TENM3: variants seen among roughly 807,000 people sequenced by gnomAD.
TENM3 encodes teneurin transmembrane protein 3.
In TENM3, 63 loss-of-function variants were observed where a neutral mutation model predicts 255.1. The observed-to-expected ratio is 0.25, with a 90% confidence interval of 0.20 to 0.30. TENM3 has a LOEUF of 0.30. Ranked by LOEUF, TENM3 falls within the 10% of genes least tolerant of loss-of-function variation. TENM3 has a pLI of 1.00. For missense variants in TENM3, 2,929 were observed against 3,461.1 expected, an observed-to-expected ratio of 0.85 and a Z score of 3.86; for synonymous variants, 1,306 against 1,322.3, an observed-to-expected ratio of 0.99 and a Z score of 0.27.
the TENM3 span, among the ~76,000 whole-genome samples, chr4:181,477,705 GCAA>G: frequency 2.0e-5 from 3 of 152,136 alleles, no homozygotes; most frequent in Admixed American, 6.6e-5. Flanking sequence ...ATTGCTGCCA[GCAA>G]CAACAACGAA....
At chr4:182,538,050 G>T (rs969752456) in intron 3 of TENM3, among the ~76,000 whole-genome samples, 1 of 152,188 alleles carries the variant, frequency 6.6e-6, no homozygotes, top group Non-Finnish European at 1.5e-5. Flanking sequence ...AATGCTCATA[G>T]TGCTTGGCAA....
the TENM3 span, among the ~76,000 whole-genome samples, chr4:181,453,609 G>A: frequency 6.6e-6 from 1 of 152,052 alleles, no homozygotes. Context: ...GACTCAAAGC[G>A]TAGTTCCCCC....
chr4:182,795,235 C>G (rs920784401), intron 26 of TENM3, among the ~76,000 whole-genome samples: 24 of 152,110 alleles, frequency 1.6e-4, no homozygotes, highest in African/African-American at 5.8e-4. Context: ...CAGGGTTTTT[C>G]AATACACATC....
At chr4:181,448,323 C>T in the TENM3 span, among the ~76,000 whole-genome samples, 33 of 145,906 alleles carry the variant, frequency 2.3e-4, 2 homozygotes, top group Admixed American at 4.3e-4. Flanking sequence ...AGGCGCCCAC[C>T]ACTACGCCCG....
chr4:181,838,734 T>A, the TENM3 span, among the ~76,000 whole-genome samples: 1 of 152,128 alleles, frequency 6.6e-6, no homozygotes, highest in Non-Finnish European at 1.5e-5. Flanking sequence ...TTCTTATTTT[T>A]AAAATTTTAA....
chr4:182,265,345 A>T (rs1452388497), intron 1 of TENM3, among the ~76,000 whole-genome samples: 2 of 152,130 alleles, frequency 1.3e-5, no homozygotes, highest in African/African-American at 4.8e-5. Flanking sequence ...TACCTGGAAG[A>T]TAAGGAACCA....
intron 1 of TENM3, among the ~76,000 whole-genome samples, chr4:182,206,635 G>A (rs1242057343): frequency 6.6e-6 from 1 of 152,178 alleles, no homozygotes; most frequent in Non-Finnish European, 1.5e-5. Flanking sequence ...AACCTTTCGT[G>A]TTTTGTGCTT....
chr4:182,635,474 C>G (rs1751764853), intron 5 of TENM3, among the ~76,000 whole-genome samples: 1 of 152,164 alleles, frequency 6.6e-6, no homozygotes, highest in African/African-American at 2.4e-5. Context: ...TTTATCCCCA[C>G]AAAAATGTTT....
intron 7 of TENM3, among the ~76,000 whole-genome samples, chr4:182,673,983 A>G (rs1335494214): frequency 6.6e-6 from 1 of 152,194 alleles, no homozygotes; most frequent in African/African-American, 2.4e-5. Flanking sequence ...AGGTTTCATC[A>G]TCTCTAAGAG....
At chr4:182,036,522 G>A in the TENM3 span, among the ~76,000 whole-genome samples, 2 of 152,126 alleles carry the variant, frequency 1.3e-5, no homozygotes, top group Non-Finnish European at 2.9e-5. Context: ...CTACATGAGG[G>A]CAAAGGCTGT....
chr4:182,429,609 TAAC>T (rs1771478248), intron 3 of TENM3, among the ~76,000 whole-genome samples: 8 of 152,232 alleles, frequency 5.3e-5, no homozygotes, highest in Admixed American at 5.2e-4. Flanking sequence ...TGTTTTGCCA[TAAC>T]AACTTAAATG....
the TENM3 span, among the ~76,000 whole-genome samples, chr4:182,002,852 A>G: frequency 6.6e-6 from 1 of 152,104 alleles, no homozygotes; most frequent in African/African-American, 2.4e-5. Context: ...TTTTCCCTTA[A>G]GCAACCAACA....
At chr4:182,692,503 A>G (rs997569340) in intron 12 of TENM3, among the ~76,000 whole-genome samples, 1 of 152,222 alleles carries the variant, frequency 6.6e-6, no homozygotes, top group African/African-American at 2.4e-5. Flanking sequence ...TGATTGAATA[A>G]CATATTTGAT....
chr4:181,526,721 G>A, the TENM3 span, among the ~76,000 whole-genome samples: 1 of 152,058 alleles, frequency 6.6e-6, no homozygotes, highest in Non-Finnish European at 1.5e-5. Context: ...TATAACTATA[G>A]GATTGGTTAA....
chr4:181,804,075 GAAA>G, the TENM3 span, among the ~76,000 whole-genome samples: 1 of 87,754 alleles, frequency 1.1e-5, no homozygotes, highest in African/African-American at 4.0e-5. Context: ...AGAAAGGAAA[GAAA>G]GAAAGAAAGG....
rs1217093127 is a variant in TENM3 at position 182,272,890 on chromosome 4, G to A, written c.-76+29414G>A. On this transcript the variant is annotated intron_variant, in intron 1 of 27. Transcript: ENST00000511685. ...TGAGATGGTTTCCTTCAGGTGCAGG[G>A]GTTGGGAGCATCAGAGACTCGTAGG... 2.0e-5 allele frequency among the ~76,000 whole-genome samples: 3 copies of A among 152,148 alleles called. No individual in the cohort carries two copies. In the East Asian group the frequency reaches 5.8e-4, roughly 29 times the overall value.
upstream of TENM3, among the ~76,000 whole-genome samples, chr4:182,239,982 A>C (rs1757139298): frequency 6.6e-6 from 1 of 152,126 alleles, no homozygotes; most frequent in South Asian, 2.1e-4. Context: ...ACAAAACAAC[A>C]TTAATTAAAA....
chr4:182,275,098 T>A (rs1461226475), intron 1 of TENM3, among the ~76,000 whole-genome samples: 2 of 152,308 alleles, frequency 1.3e-5, no homozygotes, highest in East Asian at 3.9e-4. Context: ...GTGCTGGGAT[T>A]ATAGGCTTGA....
At chr4:182,154,114 T>G (rs2149591173) in intron 1 of TENM3, among the ~76,000 whole-genome samples, 1 of 152,226 alleles carries the variant, frequency 6.6e-6, no homozygotes, top group African/African-American at 2.4e-5. Context: ...AGATATAAAT[T>G]ATTAATGCAC....
Sources: gnomAD v4.1 joint callset for allele counts (sites outside exome capture counted in the v4.1 genomes callset) on GRCh38, gnomAD v4.1.1 for gene constraint, MANE v1.5 for transcripts, NCBI Gene and HGNC (gene_info 2026-07-23, HGNC 2026-07-21) for gene names.